The following MRO variants were observed in gnomAD, a reference collection of about 807,000 sequenced individuals.
MRO encodes protein maestro.
Under a neutral mutation model 31.0 loss-of-function variants are expected in MRO, and 28 were observed. That is an observed-to-expected ratio of 0.90 (90% CI 0.67 to 1.24). The LOEUF (loss-of-function observed/expected upper bound fraction) is 1.24, where lower values mean the gene tolerates loss of function less well. Ranked by LOEUF, MRO falls within the 50% of genes most tolerant of loss-of-function variation. The pLI, the probability that MRO is intolerant of heterozygous loss-of-function variation, is 0.00. For missense variants in MRO, 332 were observed against 289.2 expected (o/e 1.15, Z -1.07); for synonymous variants, 108 against 108.4 (o/e 1.00, Z 0.02).
At chr18:50,823,257 T>C (rs368313010), upstream of MRO, among the ~76,000 whole-genome samples, 18,343 of 151,964 alleles carry the variant, frequency 0.12, 1,138 homozygotes, top group South Asian at 0.15. Context: ...TCCTCCCACT[T>C]CTCTACCTAT....
At chr18:50,805,391 GA>G in intron 4 of MRO, 55 bp from the exon 5 acceptor site, 2 of 1,465,002 alleles carry the variant, frequency 1.4e-6, no homozygotes, top group Non-Finnish European at 1.9e-6. Flanking sequence ...CCCATAGGTT[GA>G]AAAGCAACCC....
At position 50,806,795 on chromosome 18, in the gene MRO, A is replaced by G; in HGVS notation, c.155T>C (p.Ile52Thr). Residue 52 changes from isoleucine (I) to threonine (T), a missense_variant, in exon 4 of 8, where the codon ATC (isoleucine) becomes ACC (threonine). Coordinates refer to ENST00000398439, the MANE Select transcript of MRO (RefSeq NM_031939.6). ...KREPLKNVFF[I>T]LAERARDPSA... ...GGGGTCCCGAGCTCTTTCTGCCAAG[A>G]TGAAAAACACATTCTTCAGAGGCTC... The G allele has an allele frequency of 6.2e-7, 1 of 1,614,148 alleles. No homozygotes were observed. Among genetic ancestry groups the G allele is most frequent in the Non-Finnish European group, 8.5e-7 (1 of 1,180,028 alleles).
intron 2 of MRO, among the ~76,000 whole-genome samples, chr18:50,813,916 A>G (rs1281140663): frequency 6.6e-6 from 1 of 152,206 alleles, no homozygotes; most frequent in Non-Finnish European, 1.5e-5. Flanking sequence ...TGACAAAACA[A>G]TCTGTACTTC....
intron 5 of MRO, among the ~76,000 whole-genome samples, chr18:50,803,506 C>CAA (rs1232592810): frequency 3.1e-5 from 4 of 128,260 alleles, no homozygotes; most frequent in African/African-American, 5.8e-5. Flanking sequence ...GACCCTGTCT[C>CAA]AAAAAAAAAA....
upstream of MRO, chr18:50,823,863 A>T (rs557364370): frequency 4.9e-6 from 1 of 202,560 alleles, no homozygotes; most frequent in Non-Finnish European, 1.1e-5. Flanking sequence ...TGTGCTTAAA[A>T]ATGCAGAGAA....
chr18:50,799,222 C>T lies in MRO; in HGVS notation c.*115G>A, dbSNP rs2144571324. On this transcript the variant is annotated 3_prime_UTR_variant, in exon 8 of 8. Transcript: ENST00000398439. ...TGATTGCTCTCCCAGCACCCTCTTT[C>T]CCATTACAATCCCAAGAGGCAAGCA... 11 of 889,854 alleles carry T rather than the reference C, an allele frequency of 1.2e-5. No homozygotes were observed. The highest frequency in any genetic ancestry group is 1.0e-4 in the South Asian group (7 of 69,048). 55.1% of individuals were successfully genotyped at this position (889,854 alleles called of 1,614,324 possible).
At chr18:50,817,409 C>T (rs913439961) in intron 2 of MRO, among the ~76,000 whole-genome samples, 3 of 152,076 alleles carry the variant, frequency 2.0e-5, no homozygotes, top group Non-Finnish European at 2.9e-5. Flanking sequence ...CTGAGCATCC[C>T]TTGAGCCCAG....
At chr18:50,823,005 A>G (rs1915364906), upstream of MRO, among the ~76,000 whole-genome samples, 1 of 152,156 alleles carries the variant, frequency 6.6e-6, no homozygotes, top group African/African-American at 2.4e-5. Context: ...GTCAAAGGGC[A>G]GTCACTCGGG....
intron 4 of MRO, among the ~76,000 whole-genome samples, chr18:50,806,183 C>T (rs1297321682): frequency 6.6e-6 from 1 of 152,146 alleles, no homozygotes; most frequent in Non-Finnish European, 1.5e-5. Flanking sequence ...GGTCCACCCG[C>T]CTTGGCCTCC....
chr18:50,812,732 G>GT lies in MRO; in HGVS notation c.-4-3329dup, dbSNP rs1914574031. ...TCAACTGCATTAGAACCATTGACTTGTATGTGTTTTGTGTTTTATTTTTTT... is the reference window on the plus strand; with the variant it reads ...TCAACTGCATTAGAACCATTGACTTGTTATGTGTTTTGTGTTTTATTTTTTT... On this transcript the variant is annotated intron_variant, in intron 2 of 7. Coordinates refer to ENST00000398439, the MANE Select transcript of MRO (RefSeq NM_031939.6). Among the ~76,000 whole-genome samples the GT allele has an allele frequency of 5.9e-5, 9 of 152,266 alleles. No individual in the cohort carries two copies. In the South Asian group the frequency reaches 1.9e-3, roughly 32 times the overall value.
chr18:50,801,026 G>T (rs1015140626), intron 6 of MRO, among the ~76,000 whole-genome samples: 1 of 152,142 alleles, frequency 6.6e-6, no homozygotes, highest in Non-Finnish European at 1.5e-5. Context: ...AAAGCTAAGT[G>T]GGCATGAATA....
At chr18:50,815,165 T>C (rs545358998) in intron 2 of MRO, 44 of 195,834 alleles carry the variant, frequency 2.2e-4, no homozygotes, top group Middle Eastern at 3.2e-3. Context: ...AATGATGAAA[T>C]TGTTATTCAG....
At chr18:50,810,678 G>A (rs1281053125) in intron 2 of MRO, among the ~76,000 whole-genome samples, 1 of 152,074 alleles carries the variant, frequency 6.6e-6, no homozygotes, top group African/African-American at 2.4e-5. Context: ...GCTTGACTTG[G>A]GTCCAACTAG....
chr18:50,816,107 G>A (rs1914897195), intron 2 of MRO: 2 of 152,590 alleles, frequency 1.3e-5, no homozygotes, highest in Non-Finnish European at 2.9e-5. Flanking sequence ...AGAAGTTTTG[G>A]GAAAGCAGCA....
Position 50,796,006 on chromosome 18 carries a change from T to G in MRO, c.*3331A>C, listed in dbSNP as rs1912760268. ...CAGAGACACAGGGACCAAGCAAAGC[T>G]CTACCCTGGGCACTTAGCATGAGGG... On this transcript the variant is annotated 3_prime_UTR_variant, in exon 8 of 8. Coordinates refer to ENST00000398439, the MANE Select transcript of MRO (RefSeq NM_031939.6). 6.6e-6 allele frequency: 1 copy of G among 152,272 alleles called. No homozygotes were observed. The highest frequency in any genetic ancestry group is 2.4e-5 in the African/African-American group (1 of 41,584). The allele number at this position is 152,272 out of a possible 1,614,324, so 9.4% of individuals were successfully genotyped here.
chr18:50,820,070 T>C (rs1915246381), upstream of MRO: 3 of 1,053,012 alleles, frequency 2.8e-6, no homozygotes, highest in Non-Finnish European at 4.3e-6. Flanking sequence ...CCGTTCCCCA[T>C]GCGGCCGCGA....
chr18:50,812,034 C>G (rs941620384), intron 2 of MRO, among the ~76,000 whole-genome samples: 3 of 152,120 alleles, frequency 2.0e-5, no homozygotes, highest in Non-Finnish European at 4.4e-5. Context: ...AGCCACCTAG[C>G]CTGGCCATCA....
At chr18:50,808,656 C>T (rs1190717810) in intron 3 of MRO, among the ~76,000 whole-genome samples, 11 of 151,294 alleles carry the variant, frequency 7.3e-5, no homozygotes, top group Non-Finnish European at 1.0e-4. Flanking sequence ...AGGGTTTTGC[C>T]ACGTTGCCGG....
chr18:50,819,234 A>G (rs1418466994), intron 2 of MRO, among the ~76,000 whole-genome samples: 1 of 152,154 alleles, frequency 6.6e-6, no homozygotes, highest in East Asian at 1.9e-4. Context: ...CTCCCAGGCA[A>G]TGTCCTGTGA....
Sources: allele counts gnomAD v4.1 joint callset (sites outside exome capture counted in the v4.1 genomes callset), GRCh38; gene constraint gnomAD v4.1.1; transcripts MANE v1.5; gene names NCBI Gene and HGNC (gene_info 2026-07-23, HGNC 2026-07-21).